LCNL1: variants seen among roughly 807,000 people sequenced by gnomAD.
LCNL1 encodes lipocalin-like 1 protein.
LCNL1 carries 11 observed loss-of-function variants against 7.9 expected under a neutral mutation model. That is an observed-to-expected ratio of 1.40 (90% confidence interval 0.88 to 2.32). The LOEUF (loss-of-function observed/expected upper bound fraction) is 2.32. LCNL1 is among the 30% of genes most tolerant of loss of function. LCNL1 has a pLI of 0.00. For synonymous variants in LCNL1, 90 were observed against 92.5 expected (o/e 0.97, Z 0.15); for missense variants, 218 against 217.0 (o/e 1.00, Z -0.03).
At position 136,983,573 on chromosome 9, in the gene LCNL1, AG is replaced by A. The variant is rs1442854891; in HGVS notation, c.-11del. On this transcript the variant is annotated 5_prime_UTR_variant, in exon 1 of 3. Transcript: ENST00000408973. ...TTCCCTGCACTTGCCCTGCAGTTCC[AG>A]GGCACCTGGTACATGGTCGGGGTGG... 6.2e-7 allele frequency: 1 copy of A among 1,611,894 alleles called. No homozygotes were observed. Among genetic ancestry groups the A allele is most frequent in the Non-Finnish European group, 8.5e-7 (1 of 1,178,478 alleles).
In LCNL1 at chr9:136,983,308, C is replaced by A; in HGVS notation, c.-279C>A. 2.5e-6 allele frequency: 1 copy of A among 405,660 alleles called. No individual in the cohort carries two copies. Among genetic ancestry groups the A allele is most frequent in the Admixed American group, 3.6e-5 (1 of 27,744 alleles). 25.1% of individuals were successfully genotyped at this position (405,660 alleles called of 1,614,324 possible). A position where few individuals can be genotyped will look rare whatever the true frequency, so the allele number is the denominator to read the frequency against. On this transcript the variant is annotated 5_prime_UTR_variant, in exon 1 of 3. Transcript: ENST00000408973. ...GTGCCTCACTGTCCCCCACCCACCCCACAAAGACCTGTGACCTTGCCACAG... is the reference window on the plus strand; with the variant it reads ...GTGCCTCACTGTCCCCCACCCACCCAACAAAGACCTGTGACCTTGCCACAG...
In LCNL1 at chr9:136,983,726, C is replaced by G; in HGVS notation, c.122+18C>G. On this transcript the variant is annotated intron_variant, in intron 1 of 2. Coordinates refer to ENST00000408973, the MANE Select transcript of LCNL1 (RefSeq NM_207510.4). ...TACCCCACGTAAGTGACCACACGAG[C>G]CCATCAGACTCAGCCTCAGAGGATG... 6.2e-7 allele frequency: 1 copy of G among 1,611,470 alleles called. No individual in the cohort carries two copies. Among genetic ancestry groups the G allele is most frequent in the South Asian group, 1.1e-5 (1 of 91,064 alleles).
intron 2 of LCNL1, 28 bp downstream of exon 2, chr9:136,984,591 G>C: frequency 6.5e-7 from 1 of 1,539,914 alleles, no homozygotes; most frequent in Non-Finnish European, 8.8e-7. Flanking sequence ...GCAGGGCTGT[G>C]GCGTGGGGGC....
rs1390320761 is a variant in LCNL1 at position 136,985,098 on chromosome 9, G to A, written c.*87G>A. ...GATGCAGCTACTGGCGCCCCAAGTG[G>A]GCCTGAGCCCCAGCCAGGGCGTCCT... On this transcript the variant is annotated 3_prime_UTR_variant, in exon 3 of 3. Transcript: ENST00000408973. The A allele has an allele frequency of 3.8e-6, 5 of 1,308,762 alleles. No homozygotes were observed. Among genetic ancestry groups the A allele is most frequent in the Non-Finnish European group, 4.1e-6 (4 of 974,210 alleles). The allele number at this position is 1,308,762 out of a possible 1,614,324, so 81.1% of individuals were successfully genotyped here.
rs1830462621 is a variant in LCNL1, at chr9:136,983,263, T to C, written c.-324T>C. ...CCCCAACAATCCCCAGGGCCCAAAA[T>C]AGGGACAAGTTGGTTGCCTGTGCCT... On this transcript the variant is annotated 5_prime_UTR_variant, in exon 1 of 3. Transcript: ENST00000408973. The C allele has an allele frequency of 3.4e-6, 1 of 295,660 alleles. No individual in the cohort carries two copies. The highest frequency in any genetic ancestry group is 2.1e-5 in the African/African-American group (1 of 46,984). 18.3% of individuals were successfully genotyped at this position (295,660 alleles called of 1,614,324 possible).
In LCNL1 at chr9:136,985,110, A is replaced by G. The variant is rs1830486551; in HGVS notation, c.*99A>G. The G allele has an allele frequency of 8.2e-7, 1 of 1,222,880 alleles. No individual in the cohort carries two copies. The highest frequency in any genetic ancestry group is 1.1e-6 in the Non-Finnish European group (1 of 897,770). 75.8% of individuals were successfully genotyped at this position (1,222,880 alleles called of 1,614,324 possible). On this transcript the variant is annotated 3_prime_UTR_variant, in exon 3 of 3. Coordinates refer to ENST00000408973, the MANE Select transcript of LCNL1 (RefSeq NM_207510.4). ...GGCGCCCCAAGTGGGCCTGAGCCCC[A>G]GCCAGGGCGTCCTGCTGCCGAAGTC...
Position 136,985,091 on chromosome 9 carries a change from C to T in LCNL1, c.*80C>T. The T allele has an allele frequency of 7.5e-7, 1 of 1,335,618 alleles. No homozygotes were observed. Among genetic ancestry groups the T allele is most frequent in the Non-Finnish European group, 1.0e-6 (1 of 997,166 alleles). The allele number at this position is 1,335,618 out of a possible 1,614,324, so 82.7% of individuals were successfully genotyped here. On this transcript the variant is annotated 3_prime_UTR_variant, in exon 3 of 3. Transcript: ENST00000408973. ...CCCAGAAGATGCAGCTACTGGCGCC[C>T]CAAGTGGGCCTGAGCCCCAGCCAGG...
In LCNL1 at chr9:136,985,116, G is replaced by A; in HGVS notation, c.*105G>A. ...CCAAGTGGGCCTGAGCCCCAGCCAG[G>A]GCGTCCTGCTGCCGAAGTCGGGTGA... On this transcript the variant is annotated 3_prime_UTR_variant, in exon 3 of 3. Coordinates refer to ENST00000408973, the MANE Select transcript of LCNL1 (RefSeq NM_207510.4). 1 of 1,190,474 alleles carries A rather than the reference G, an allele frequency of 8.4e-7. No homozygotes were observed. Among genetic ancestry groups the A allele is most frequent in the Non-Finnish European group, 1.2e-6 (1 of 868,212 alleles). The allele number at this position is 1,190,474 out of a possible 1,614,324, so 73.7% of individuals were successfully genotyped here. A position where few individuals can be genotyped will look rare whatever the true frequency, so the allele number is the denominator to read the frequency against.
Position 136,983,686 on chromosome 9 carries a change from G to A in LCNL1, c.100G>A (p.Ala34Thr), listed in dbSNP as rs1274826612. Residue 34 changes from alanine to threonine, a missense_variant, in exon 1 of 3, where the codon GCC becomes ACC. Coordinates refer to ENST00000408973, the MANE Select transcript of LCNL1 (RefSeq NM_207510.4). ...GACCCCCTTGGGGAATGGTGACCTG[G>A]CCCTCAAGTTTGGATACCCCACGTA... ...LVTPLGNGDLALKFGYPTPHG... is the reference protein window; with the variant it reads ...LVTPLGNGDLTLKFGYPTPHG... The A allele has an allele frequency of 1.2e-6, 2 of 1,613,974 alleles. No homozygotes were observed. Among genetic ancestry groups the A allele is most frequent in the Non-Finnish European group, 1.7e-6 (2 of 1,179,942 alleles).
chr9:136,984,191 G>A, intron 1 of LCNL1: 1 of 468,812 alleles, frequency 2.1e-6, no homozygotes, highest in Non-Finnish European at 3.8e-6. Context: ...GTGTGTCTGT[G>A]TCTGTGTCTA....
Position 136,984,893 on chromosome 9 carries a change from A to G in LCNL1, c.377A>G (p.His126Arg). 1 of 1,557,862 alleles carries G rather than the reference A, an allele frequency of 6.4e-7. No individual in the cohort carries two copies. Among genetic ancestry groups the G allele is most frequent in the Non-Finnish European group, 8.7e-7 (1 of 1,150,892 alleles). ...FGSGMSPLCLHQPFLHAEGGT... is the reference protein window; with the variant it reads ...FGSGMSPLCLRQPFLHAEGGT... ...TCTGGGATGTCACCCCTGTGCCTGC[A>G]CCAGCCCTTTCTGCACGCGGAAGGT... Residue 126 changes from histidine to arginine, a missense_variant, in exon 3 of 3, where the codon CAC becomes CGC. Physicochemically the swap from His to Arg is conservative, Grantham distance 29. Coordinates refer to ENST00000408973, the MANE Select transcript of LCNL1 (RefSeq NM_207510.4).
chr9:136,984,324 C>A, intron 1 of LCNL1, 166 bp from the exon 2 acceptor site: 2 of 601,412 alleles, frequency 3.3e-6, no homozygotes, highest in Non-Finnish European at 5.6e-6. Context: ...CCCACCCCAC[C>A]CCCAGCAGGA....
At chr9:136,984,425 T>C (rs1316682311) in intron 1 of LCNL1, 65 bp from the exon 2 acceptor site, 7 of 1,403,238 alleles carry the variant, frequency 5.0e-6, no homozygotes, top group South Asian at 1.4e-5. Flanking sequence ...GACAGCAAGG[T>C]AGGCTCTAGG....
chr9:136,984,944 G>A lies in LCNL1; in HGVS notation c.428G>A (p.Trp143Ter). Residue 143 changes from tryptophan (W) to a stop codon, truncating the protein, a stop_gained, in exon 3 of 3, where the codon TGG (tryptophan) becomes TAG (stop). Transcript: ENST00000408973. LOFTEE classifies it low-confidence loss of function (END_TRUNC). ...EGGTAGSWCL[W>*]PRVPAPPCPS... ...GGAACCGCTGGCTCCTGGTGTCTGTGGCCGCGGGTCCCGGCCCCTCCCTGC... is the reference window on the plus strand; with the variant it reads ...GGAACCGCTGGCTCCTGGTGTCTGTAGCCGCGGGTCCCGGCCCCTCCCTGC... 1 of 1,547,636 alleles carries A rather than the reference G, an allele frequency of 6.5e-7. No individual in the cohort carries two copies. Among genetic ancestry groups the A allele is most frequent in the Admixed American group, 2.0e-5 (1 of 50,866 alleles).
rs1830466489 is a variant in LCNL1, at chr9:136,983,703, C to A, written c.117C>A (p.Tyr39Ter). ...GTGACCTGGCCCTCAAGTTTGGATA[C>A]CCCACGTAAGTGACCACACGAGCCC... Reference protein sequence around the residue: ...GNGDLALKFGYPTPHGGCQKM... With the variant: ...GNGDLALKFG The change falls in exon 1 of 3, where the codon TAC becomes TAA. Residue 39 changes from tyrosine (Y) to a stop codon, truncating the protein, a stop_gained. Coordinates refer to ENST00000408973, the MANE Select transcript of LCNL1 (RefSeq NM_207510.4). LOFTEE classifies it high-confidence loss of function. The A allele has an allele frequency of 1.2e-6, 2 of 1,613,796 alleles. No individual in the cohort carries two copies. The highest frequency in any genetic ancestry group is 2.2e-5 in the East Asian group (1 of 44,880).
Position 136,985,317 on chromosome 9 carries a change from G to T in LCNL1, c.*306G>T. ...GCCCAGGCCGGTGTTCCCAGGAGGA[G>T]ATCGCCTTGGGGCAGGTCGGGGGCC... is the stretch of plus-strand genomic sequence containing the variant. On this transcript the variant is annotated 3_prime_UTR_variant, in exon 3 of 3. Coordinates refer to ENST00000408973, the MANE Select transcript of LCNL1 (RefSeq NM_207510.4). 1 of 374,552 alleles carries T rather than the reference G, an allele frequency of 2.7e-6. No individual in the cohort carries two copies. Among genetic ancestry groups the T allele is most frequent in the Non-Finnish European group, 4.8e-6 (1 of 208,040 alleles). 23.2% of individuals were successfully genotyped at this position (374,552 alleles called of 1,614,324 possible).
In LCNL1 at chr9:136,984,887, G is replaced by A; in HGVS notation, c.371G>A (p.Cys124Tyr). The A allele has an allele frequency of 1.9e-6, 3 of 1,558,044 alleles. No individual in the cohort carries two copies. The highest frequency in any genetic ancestry group is 1.2e-5 in the South Asian group (1 of 84,700). ...PRFGSGMSPL[C>Y]LHQPFLHAEG... ...TTCGGGTCTGGGATGTCACCCCTGT[G>A]CCTGCACCAGCCCTTTCTGCACGCG... The change falls in exon 3 of 3, where the codon TGC (cysteine) becomes TAC (tyrosine). Residue 124 changes from cysteine to tyrosine, a missense_variant. Cys to Tyr is a radical substitution (Grantham distance 194). Transcript: ENST00000408973.
chr9:136,984,622 C>T, intron 2 of LCNL1, 59 bp downstream of exon 2: 1 of 1,505,130 alleles, frequency 6.6e-7, no homozygotes, highest in Non-Finnish European at 8.9e-7. Flanking sequence ...GCATGGACTG[C>T]TGGATTGGCA....
intron 1 of LCNL1, 125 bp from the exon 2 acceptor site, chr9:136,984,365 C>G: frequency 9.1e-6 from 8 of 877,306 alleles, no homozygotes; most frequent in Non-Finnish European, 1.3e-5. Flanking sequence ...ATCCTAAAGT[C>G]CCATGTCCTC....
Sources: gnomAD v4.1 joint callset for allele counts on GRCh38, gnomAD v4.1.1 for gene constraint, MANE v1.5 for transcripts, NCBI Gene and HGNC (gene_info 2026-07-23, HGNC 2026-07-21) for gene names.